The following ARFGEF2 variants were observed in gnomAD, a reference collection of about 807,000 sequenced individuals.
The protein encoded by ARFGEF2 is ARF guanine nucleotide exchange factor 2, also known as brefeldin A-inhibited guanine nucleotide-exchange protein 2.
In ARFGEF2, 74 loss-of-function variants were observed where a neutral mutation model predicts 219.9. The ratio of observed to expected loss-of-function variants is 0.34; its 90% CI spans 0.28 to 0.41. The LOEUF is 0.41. Among genes scored for constraint, ARFGEF2 ranks in the 10% least tolerant of loss-of-function variants. The pLI, the probability that ARFGEF2 is intolerant of heterozygous loss-of-function variation, is 1.00. For missense variants in ARFGEF2, 1,743 were observed against 2,218.3 expected, an observed-to-expected ratio of 0.79 and a Z score of 4.30; for synonymous variants, 733 against 799.2, an observed-to-expected ratio of 0.92 and a Z score of 1.40.
At chr20:49,027,193 C>G (rs1275400087) in intron 36 of ARFGEF2, among the ~76,000 whole-genome samples, 1 of 151,974 alleles carries the variant, frequency 6.6e-6, no homozygotes, top group East Asian at 1.9e-4. Context: ...TCAAGCGATT[C>G]TCCTGCCTCA....
At chr20:48,971,007 TATTA>T in intron 9 of ARFGEF2, 109 bp from the exon 10 acceptor site, 1 of 867,630 alleles carries the variant, frequency 1.2e-6, no homozygotes, top group Non-Finnish European at 1.9e-6. Flanking sequence ...ATTTAGGTGC[TATTA>T]ATTCTTTAAA....
In ARFGEF2 at chr20:49,033,540, C is replaced by T. The variant is rs1008694549; in HGVS notation, c.*341C>T. 6.7e-6 allele frequency: 2 copies of T among 298,654 alleles called. No individual in the cohort carries two copies. The highest frequency in any genetic ancestry group is 4.3e-5 in the African/African-American group (2 of 46,992). 18.5% of individuals were successfully genotyped at this position (298,654 alleles called of 1,614,324 possible). ...TATAAACGTTTTGTAAGAAGTCACT[C>T]TCCTTGAAAATACTGAACATAGCTG... On this transcript the variant is annotated 3_prime_UTR_variant, in exon 39 of 39. Transcript: ENST00000371917.
At chr20:48,936,195 C>G (rs868116340) in intron 1 of ARFGEF2, among the ~76,000 whole-genome samples, 4 of 128,200 alleles carry the variant, frequency 3.1e-5, no homozygotes, top group Admixed American at 7.4e-5. Flanking sequence ...CCAGTAGGGG[C>G]GGCCGGGCAG....
intron 3 of ARFGEF2, among the ~76,000 whole-genome samples, chr20:48,942,566 C>T (rs1014245261): frequency 3.5e-5 from 5 of 144,032 alleles, no homozygotes; most frequent in Non-Finnish European, 4.5e-5. Flanking sequence ...CTCACTGCAA[C>T]GTCTGCTTCT....
intron 1 of ARFGEF2, among the ~76,000 whole-genome samples, chr20:48,940,330 G>A (rs991935733): frequency 3.9e-5 from 6 of 152,146 alleles, no homozygotes; most frequent in African/African-American, 1.4e-4. Context: ...TTTAGGTTAT[G>A]TATATTTTAT....
At chr20:48,981,879 C>T (rs1390550893) in intron 14 of ARFGEF2, among the ~76,000 whole-genome samples, 2 of 152,160 alleles carry the variant, frequency 1.3e-5, no homozygotes, top group Admixed American at 6.5e-5. Context: ...GTTAGCCATT[C>T]GTCTAATCTT....
intron 30 of ARFGEF2, among the ~76,000 whole-genome samples, chr20:49,015,416 C>T (rs1245393686): frequency 6.6e-6 from 1 of 152,184 alleles, no homozygotes; most frequent in East Asian, 1.9e-4. Context: ...CCCAGCCTTT[C>T]TTCTACAATG....
chr20:49,017,206 A>T, intron 31 of ARFGEF2, 43 bp from the exon 32 acceptor site: 1 of 1,607,736 alleles, frequency 6.2e-7, no homozygotes, highest in East Asian at 2.2e-5. Flanking sequence ...TGGCATCAAA[A>T]TAGCAGTAGA....
chr20:49,001,198 C>G (rs2091423046), intron 25 of ARFGEF2, among the ~76,000 whole-genome samples: 1 of 151,616 alleles, frequency 6.6e-6, no homozygotes, highest in South Asian at 2.1e-4. Context: ...CATCACCACA[C>G]CTAGCTAATT....
intron 26 of ARFGEF2, among the ~76,000 whole-genome samples, chr20:49,006,188 G>A (rs1430069722): frequency 6.6e-6 from 1 of 152,030 alleles, no homozygotes; most frequent in East Asian, 1.9e-4. Context: ...CAGCTACTCA[G>A]GAGACTGAGG....
At chr20:49,016,675 T>C (rs2091532940) in intron 31 of ARFGEF2, among the ~76,000 whole-genome samples, 1 of 152,202 alleles carries the variant, frequency 6.6e-6, no homozygotes, top group Non-Finnish European at 1.5e-5. Flanking sequence ...CTTTTTACTT[T>C]TGTATATGTT....
intron 21 of ARFGEF2, among the ~76,000 whole-genome samples, chr20:48,991,704 T>A (rs1048565272): frequency 6.6e-6 from 1 of 152,202 alleles, no homozygotes; most frequent in African/African-American, 2.4e-5. Flanking sequence ...TGTTGCAGTT[T>A]TAGTTGTTCT....
chr20:48,976,740 G>A (rs566888143), intron 14 of ARFGEF2, among the ~76,000 whole-genome samples: 42 of 152,140 alleles, frequency 2.8e-4, no homozygotes, highest in East Asian at 9.7e-4. Flanking sequence ...CCTGGGAGGC[G>A]GAGCTTGCAG....
chr20:49,012,754 T>C (rs142898594), intron 28 of ARFGEF2, among the ~76,000 whole-genome samples: 3 of 152,348 alleles, frequency 2.0e-5, no homozygotes, highest in Non-Finnish European at 2.9e-5. Context: ...TTAGTACTTG[T>C]TGGGCACCAT....
chr20:49,019,198 A>G (rs1346406982), intron 34 of ARFGEF2, among the ~76,000 whole-genome samples, 200 bp downstream of exon 34: 1 of 152,212 alleles, frequency 6.6e-6, no homozygotes, highest in East Asian at 1.9e-4. Flanking sequence ...GTACATGCAC[A>G]TATACATTCA....
chr20:48,992,978 A>T (rs759834287), intron 21 of ARFGEF2, among the ~76,000 whole-genome samples: 2 of 152,156 alleles, frequency 1.3e-5, no homozygotes, highest in Non-Finnish European at 2.9e-5. Flanking sequence ...TGAGCCCAGG[A>T]GTTCAAGGCT....
At chr20:48,988,136 C>T (rs1012756438) in intron 16 of ARFGEF2, among the ~76,000 whole-genome samples, 168 bp from the exon 17 acceptor site, 2 of 152,270 alleles carry the variant, frequency 1.3e-5, no homozygotes, top group East Asian at 3.9e-4. Flanking sequence ...TTTCTACACT[C>T]TGGGTTGCTA....
At chr20:48,998,044 G>C (rs745392152) in intron 23 of ARFGEF2, 149 bp from the exon 24 acceptor site, 2 of 709,062 alleles carry the variant, frequency 2.8e-6, no homozygotes, top group African/African-American at 3.5e-5. Flanking sequence ...TTTTTTATTA[G>C]AGACAAGGTT....
At chr20:49,032,311 G>A in intron 38 of ARFGEF2, 145 bp downstream of exon 38, 1 of 721,666 alleles carries the variant, frequency 1.4e-6, no homozygotes, top group Non-Finnish European at 2.5e-6. Context: ...TTGGAGAGAA[G>A]TTAATCCGTT....
Sources: allele counts gnomAD v4.1 joint callset (sites outside exome capture counted in the v4.1 genomes callset), GRCh38; gene constraint gnomAD v4.1.1; transcripts MANE v1.5; gene names NCBI Gene and HGNC (gene_info 2026-07-23, HGNC 2026-07-21).